ERBB4: variants seen among roughly 807,000 people sequenced by gnomAD.
ERBB4 encodes erb-b2 receptor tyrosine kinase 4.
Under a neutral mutation model 158.0 loss-of-function variants are expected in ERBB4, and 42 were observed. The ratio of observed to expected loss-of-function variants is 0.27; its 90% CI spans 0.21 to 0.34. The LOEUF is 0.34. Ranked by LOEUF, ERBB4 falls within the 10% of genes least tolerant of loss-of-function variation. The pLI is 1.00. For missense variants in ERBB4, 1,333 were observed against 1,624.1 expected (o/e 0.82, Z 3.08); for synonymous variants, 583 against 558.7 (o/e 1.04, Z -0.61).
At chr2:212,112,857 A>G (rs184990133) in intron 2 of ERBB4, among the ~76,000 whole-genome samples, 16 of 152,340 alleles carry the variant, frequency 1.1e-4, no homozygotes, top group African/African-American at 3.6e-4. Flanking sequence ...TACAAAGATT[A>G]TAATTCCAGT....
At chr2:211,483,633 C>A (rs545085739) in intron 20 of ERBB4, among the ~76,000 whole-genome samples, 1 of 152,158 alleles carries the variant, frequency 6.6e-6, no homozygotes, top group Non-Finnish European at 1.5e-5. Flanking sequence ...CTCACTGCAA[C>A]CTCCGCCTCC....
chr2:212,170,575 G>A, intron 1 of ERBB4, among the ~76,000 whole-genome samples: 1 of 152,144 alleles, frequency 6.6e-6, no homozygotes, highest in South Asian at 2.1e-4. Flanking sequence ...CGTAGGCCAA[G>A]GAGGAAAAAA....
At chr2:211,958,525 C>T (rs2081091103) in intron 2 of ERBB4, among the ~76,000 whole-genome samples, 1 of 152,080 alleles carries the variant, frequency 6.6e-6, no homozygotes, top group Non-Finnish European at 1.5e-5. Context: ...GGTGAAATCA[C>T]TCTGACTATT....
At chr2:211,386,660 T>A (rs961796985) in intron 27 of ERBB4, among the ~76,000 whole-genome samples, 193 bp downstream of exon 27, 4 of 152,178 alleles carry the variant, frequency 2.6e-5, no homozygotes, top group African/African-American at 9.7e-5. Flanking sequence ...GAGATTCTGA[T>A]TTATATAAAT....
chr2:212,260,364 T>C (rs1317257165), intron 1 of ERBB4, among the ~76,000 whole-genome samples: 1 of 152,212 alleles, frequency 6.6e-6, no homozygotes, highest in African/African-American at 2.4e-5. Context: ...TTAGGTTGTA[T>C]ACTTGATTAC....
At chr2:212,520,805 G>A (rs1692116241) in intron 1 of ERBB4, among the ~76,000 whole-genome samples, 2 of 151,948 alleles carry the variant, frequency 1.3e-5, no homozygotes, top group African/African-American at 4.8e-5. Flanking sequence ...AATCGCCCTT[G>A]CCATTACTAA....
At chr2:212,324,478 T>C (rs1285422096) in intron 1 of ERBB4, among the ~76,000 whole-genome samples, 1 of 90,402 alleles carries the variant, frequency 1.1e-5, no homozygotes, top group Non-Finnish European at 3.0e-5. Context: ...GCGGGTTTTT[T>C]GTTTTTGTTT....
In ERBB4 at chr2:212,461,453, C is replaced by A. The variant is rs184189213; in HGVS notation, c.82+76996G>T. On this transcript the variant is annotated intron_variant, in intron 1 of 27. Transcript: ENST00000342788. ...TTTCAGACATGCATGGGACCTGTAG[C>A]CCCTTTGTTTTGGCCAATTTCTCCA... Among the ~76,000 whole-genome samples the A allele has an allele frequency of 1.1e-4, 17 of 152,234 alleles. No homozygotes were observed. The East Asian group carries it at 2.5e-3, about 23-fold the overall frequency.
At chr2:211,843,339 C>G (rs1046772797) in intron 3 of ERBB4, among the ~76,000 whole-genome samples, 1 of 152,024 alleles carries the variant, frequency 6.6e-6, no homozygotes, top group Non-Finnish European at 1.5e-5. Flanking sequence ...TAAGAAGATG[C>G]GTCCTAGAGC....
At chr2:212,316,837 G>T (rs2087306877) in intron 1 of ERBB4, among the ~76,000 whole-genome samples, 1 of 151,446 alleles carries the variant, frequency 6.6e-6, no homozygotes, top group African/African-American at 2.4e-5. Context: ...TATGATATGA[G>T]AATTATGTCT....
intron 4 of ERBB4, among the ~76,000 whole-genome samples, chr2:211,760,839 T>C (rs2075391846): frequency 6.6e-6 from 1 of 152,172 alleles, no homozygotes; most frequent in South Asian, 2.1e-4. Flanking sequence ...CAGTAGGTAT[T>C]TTATATACAT....
intron 2 of ERBB4, among the ~76,000 whole-genome samples, chr2:211,968,324 G>A (rs1455204599): frequency 6.6e-6 from 1 of 151,992 alleles, no homozygotes; most frequent in African/African-American, 2.4e-5. Flanking sequence ...TCTGGATAGT[G>A]AAGCAAATGA....
At chr2:212,410,266 G>A (rs76156551) in intron 1 of ERBB4, among the ~76,000 whole-genome samples, 1 of 150,964 alleles carries the variant, frequency 6.6e-6, no homozygotes, top group Non-Finnish European at 1.5e-5. Flanking sequence ...GTTAGTGTGA[G>A]TTAGAGAGTA....
chr2:212,369,859 A>G (rs1171924715), intron 1 of ERBB4, among the ~76,000 whole-genome samples: 1 of 152,110 alleles, frequency 6.6e-6, no homozygotes, highest in African/African-American at 2.4e-5. Context: ...ATCTGGCTGG[A>G]ATATACTAAT....
intron 20 of ERBB4, among the ~76,000 whole-genome samples, chr2:211,470,627 A>C (rs1483169363): frequency 6.6e-6 from 1 of 152,176 alleles, no homozygotes; most frequent in East Asian, 1.9e-4. Context: ...GAGATACTTT[A>C]AGACAACTTT....
intron 1 of ERBB4, among the ~76,000 whole-genome samples, chr2:212,213,957 T>C (rs1454472104): frequency 6.6e-6 from 1 of 151,806 alleles, no homozygotes; most frequent in Non-Finnish European, 1.5e-5. Context: ...ACAAAGTTGA[T>C]TGACACGGAG....
At chr2:211,841,169 A>T (rs2077461422) in intron 3 of ERBB4, among the ~76,000 whole-genome samples, 1 of 152,088 alleles carries the variant, frequency 6.6e-6, no homozygotes, top group African/African-American at 2.4e-5. Context: ...AGAATCTTAT[A>T]ATTTCAAGGC....
chr2:211,690,807 A>G (rs1439727283), intron 12 of ERBB4, among the ~76,000 whole-genome samples: 1 of 152,228 alleles, frequency 6.6e-6, no homozygotes, highest in Non-Finnish European at 1.5e-5. Context: ...AATGGCTTAC[A>G]GTTCAAAAGG....
intron 2 of ERBB4, among the ~76,000 whole-genome samples, chr2:212,018,238 G>A (rs374903576): frequency 6.6e-6 from 1 of 152,118 alleles, no homozygotes; most frequent in South Asian, 2.1e-4. Flanking sequence ...GCCACAGCAG[G>A]ACTAGGATAT....
Sources: allele counts gnomAD v4.1 joint callset (sites outside exome capture counted in the v4.1 genomes callset), GRCh38; gene constraint gnomAD v4.1.1; transcripts MANE v1.5; gene names NCBI Gene and HGNC (gene_info 2026-07-23, HGNC 2026-07-21).